CNTNAP2: variants seen among roughly 807,000 people sequenced by gnomAD.
The protein encoded by CNTNAP2 is contactin associated protein 2.
CNTNAP2 carries 98 observed loss-of-function variants against 155.2 expected under a neutral mutation model. That is an observed-to-expected ratio of 0.63 (90% CI 0.54 to 0.75). The LOEUF is 0.75. Among genes scored for constraint, CNTNAP2 ranks in the 30% least tolerant of loss-of-function variants. The pLI is 0.00. For synonymous variants in CNTNAP2, 651 were observed against 631.2 expected (o/e 1.03, Z -0.47); for missense variants, 1,727 against 1,688.1 (o/e 1.02, Z -0.40).
chr7:146,864,241 A>G (rs1161949664), intron 3 of CNTNAP2, among the ~76,000 whole-genome samples: 1 of 152,134 alleles, frequency 6.6e-6, no homozygotes. Flanking sequence ...TAATTTTTAT[A>G]TAAAGACAAT....
chr7:146,698,912 C>A, intron 1 of CNTNAP2, among the ~76,000 whole-genome samples: 1 of 152,074 alleles, frequency 6.6e-6, no homozygotes, highest in Non-Finnish European at 1.5e-5. Flanking sequence ...ACTAATGAAC[C>A]CATCCAAAGC....
chr7:147,588,408 C>A (rs1309201196), intron 12 of CNTNAP2, among the ~76,000 whole-genome samples: 10 of 152,186 alleles, frequency 6.6e-5, no homozygotes, highest in African/African-American at 2.4e-4. Flanking sequence ...GGAGACAGTT[C>A]TCAAACAAGA....
rs543235095 is a variant in CNTNAP2, at chr7:147,581,519, G to A, written c.1897+19262G>A. On this transcript the variant is annotated intron_variant, in intron 12 of 23. Transcript: ENST00000361727. ...CATAGCATGGCAAAATGAGTTTTGT[G>A]TTGTTTTTCCTCCTGGAAATAAAGC... 6.6e-5 allele frequency among the ~76,000 whole-genome samples: 10 copies of A among 152,294 alleles called. No homozygotes were observed. The South Asian group carries it at 2.1e-3, about 32-fold the overall frequency.
intron 1 of CNTNAP2, among the ~76,000 whole-genome samples, chr7:146,580,799 T>A (rs1242775436): frequency 1.3e-5 from 2 of 152,100 alleles, no homozygotes; most frequent in Non-Finnish European, 2.9e-5. Context: ...TACGTTTTCA[T>A]CAAAGCTTTA....
At chr7:146,284,048 T>TA (rs548293680) in intron 1 of CNTNAP2, among the ~76,000 whole-genome samples, 8 of 152,320 alleles carry the variant, frequency 5.3e-5, no homozygotes, top group East Asian at 1.9e-4. Context: ...TGATCAGAGA[T>TA]AAAAAAATTA....
chr7:147,390,225 T>A (rs1275119097), intron 9 of CNTNAP2, among the ~76,000 whole-genome samples: 2 of 152,184 alleles, frequency 1.3e-5, no homozygotes, highest in Non-Finnish European at 2.9e-5. Context: ...ACCAGTTACA[T>A]AATGTTTCAC....
chr7:147,528,916 C>T (rs1799379709), intron 11 of CNTNAP2, among the ~76,000 whole-genome samples: 1 of 152,142 alleles, frequency 6.6e-6, no homozygotes, highest in African/African-American at 2.4e-5. Context: ...AGAACATATA[C>T]AGTACAGTAG....
intron 11 of CNTNAP2, among the ~76,000 whole-genome samples, chr7:147,494,468 C>CAAAAAAAAA (rs10562874): frequency 3.7e-4 from 43 of 116,354 alleles, no homozygotes; most frequent in Admixed American, 6.8e-4. Context: ...TGAGTCTTGG[C>CAAAAAAAAA]AAAAAAAAAA....
intron 21 of CNTNAP2, among the ~76,000 whole-genome samples, chr7:148,322,739 C>T (rs1400866926): frequency 6.6e-6 from 1 of 151,038 alleles, no homozygotes; most frequent in Non-Finnish European, 1.5e-5. Context: ...TCAAGCCGTT[C>T]TCCAAGCTCT....
chr7:147,955,722 T>A (rs549116067), intron 14 of CNTNAP2, among the ~76,000 whole-genome samples: 308 of 152,268 alleles, frequency 2.0e-3, no homozygotes, highest in Non-Finnish European at 2.4e-3. Context: ...GGATCGGAAA[T>A]GTCTCCTGTT....
chr7:148,230,122 G>A (rs1169525155), intron 20 of CNTNAP2, among the ~76,000 whole-genome samples: 4 of 152,104 alleles, frequency 2.6e-5, no homozygotes, highest in Non-Finnish European at 4.4e-5. Context: ...GAAACTTACC[G>A]TGTTTCCCAG....
In CNTNAP2 at chr7:146,169,911, C is replaced by T. The variant is rs1025755131; in HGVS notation, c.97+52938C>T. Among the ~76,000 whole-genome samples the T allele has an allele frequency of 7.3e-5, 11 of 151,690 alleles. 1 individual carries two copies. The highest frequency in any genetic ancestry group is 1.9e-4 in the African/African-American group (8 of 41,300). On this transcript the variant is annotated intron_variant, in intron 1 of 23. Coordinates refer to ENST00000361727, the MANE Select transcript of CNTNAP2 (RefSeq NM_014141.6). ...TCCATATCTTAGCTACTGTGAATAA[C>T]GCTGCAATGAATGTAGCAATGCAGG...
At chr7:147,858,606 G>A (rs530125739) in intron 13 of CNTNAP2, among the ~76,000 whole-genome samples, 1 of 152,290 alleles carries the variant, frequency 6.6e-6, no homozygotes, top group Non-Finnish European at 1.5e-5. Context: ...TTTGGGAGTT[G>A]CAGATGTAAT....
At chr7:146,939,437 A>C (rs1467690047) in intron 3 of CNTNAP2, among the ~76,000 whole-genome samples, 3 of 152,258 alleles carry the variant, frequency 2.0e-5, no homozygotes, top group East Asian at 1.9e-4. Flanking sequence ...TGAAGGCGAC[A>C]TTAAAACTTC....
chr7:148,035,680 T>A (rs1422766863), intron 15 of CNTNAP2, among the ~76,000 whole-genome samples: 1 of 152,106 alleles, frequency 6.6e-6, no homozygotes, highest in Non-Finnish European at 1.5e-5. Context: ...CATAGCAGAT[T>A]TCCCACTATG....
chr7:147,595,106 C>T (rs1307209355), intron 12 of CNTNAP2, among the ~76,000 whole-genome samples: 1 of 152,056 alleles, frequency 6.6e-6, no homozygotes, highest in African/African-American at 2.4e-5. Context: ...TGCAGAGATA[C>T]CCAGATTGTT....
intron 13 of CNTNAP2, among the ~76,000 whole-genome samples, chr7:147,827,234 C>A (rs921444482): frequency 6.6e-6 from 1 of 151,966 alleles, no homozygotes; most frequent in Non-Finnish European, 1.5e-5. Context: ...TATCCTAGGC[C>A]AAAAGTTTTC....
At chr7:147,812,111 A>C (rs1392122114) in intron 13 of CNTNAP2, among the ~76,000 whole-genome samples, 2 of 152,036 alleles carry the variant, frequency 1.3e-5, no homozygotes, top group African/African-American at 4.8e-5. Context: ...TTTATGAGAG[A>C]GTTGGAAGAG....
intron 8 of CNTNAP2, among the ~76,000 whole-genome samples, chr7:147,163,260 GAAC>G (rs756500420): frequency 2.0e-5 from 3 of 152,052 alleles, no homozygotes; most frequent in Non-Finnish European, 4.4e-5. Context: ...CATAAAAGAA[GAAC>G]AACAACAATA....
Sources: allele counts gnomAD v4.1 joint callset (sites outside exome capture counted in the v4.1 genomes callset), GRCh38; gene constraint gnomAD v4.1.1; transcripts MANE v1.5; gene names NCBI Gene and HGNC (gene_info 2026-07-23, HGNC 2026-07-21).